UBR3: variants seen among roughly 807,000 people sequenced by gnomAD.
UBR3 encodes E3 ubiquitin-protein ligase UBR3.
A neutral mutation model predicts 243.2 loss-of-function variants in UBR3; 85 were observed. That is an observed-to-expected ratio of 0.35 (90% CI 0.29 to 0.42). The LOEUF is 0.42. Among genes scored for constraint, UBR3 ranks in the 10% least tolerant of loss-of-function variants. The probability of loss-of-function intolerance (pLI) is 1.00; values close to 1 mark genes in which losing one functional copy is unlikely to be tolerated. For synonymous variants in UBR3, 748 were observed against 799.8 expected, an observed-to-expected ratio of 0.94 and a Z score of 1.09; for missense variants, 1,686 against 2,300.8, an observed-to-expected ratio of 0.73 and a Z score of 5.47.
chr2:170,041,511 CTCA>C (rs1373193830), intron 32 of UBR3, among the ~76,000 whole-genome samples: 1 of 152,012 alleles, frequency 6.6e-6, no homozygotes, highest in Non-Finnish European at 1.5e-5. Flanking sequence ...TAAAAATAGT[CTCA>C]TCATTTTAAG....
At chr2:170,013,240 G>A (rs2090137391) in intron 29 of UBR3, among the ~76,000 whole-genome samples, 1 of 152,070 alleles carries the variant, frequency 6.6e-6, no homozygotes, top group African/African-American at 2.4e-5. Flanking sequence ...TCTTTAGCAT[G>A]TCTCAAAGGA....
chr2:169,872,514 T>C, intron 2 of UBR3, 139 bp downstream of exon 2: 1 of 619,504 alleles, frequency 1.6e-6, no homozygotes, highest in Non-Finnish European at 2.6e-6. Context: ...AAATACGGAT[T>C]GAATAGAAAC....
At chr2:169,893,977 C>T (rs909067121) in intron 6 of UBR3, among the ~76,000 whole-genome samples, 3 of 151,818 alleles carry the variant, frequency 2.0e-5, no homozygotes, top group Non-Finnish European at 4.4e-5. Context: ...TGTATTTTAC[C>T]TCATTTCTTG....
chr2:169,943,338 C>T (rs932693877), intron 20 of UBR3, among the ~76,000 whole-genome samples: 6 of 152,182 alleles, frequency 3.9e-5, no homozygotes, highest in African/African-American at 1.2e-4. Context: ...CGCGGTGGCT[C>T]ACGCCTGTAA....
chr2:169,936,830 G>A (rs2086355920), intron 19 of UBR3, among the ~76,000 whole-genome samples: 1 of 152,184 alleles, frequency 6.6e-6, no homozygotes, highest in South Asian at 2.1e-4. Context: ...CTTCATCCAT[G>A]TCCGTACAAA....
intron 13 of UBR3, 78 bp downstream of exon 13, chr2:169,924,251 A>G (rs1231787029): frequency 1.2e-5 from 13 of 1,088,978 alleles, no homozygotes; most frequent in African/African-American, 1.6e-5. Context: ...TATGCCTTTC[A>G]TTGTTATTAT....
intron 19 of UBR3, among the ~76,000 whole-genome samples, chr2:169,937,425 A>G (rs2086382830): frequency 6.6e-6 from 1 of 152,218 alleles, no homozygotes; most frequent in South Asian, 2.1e-4. Context: ...TCAGATGAGT[A>G]GATTGCAAAA....
intron 26 of UBR3, among the ~76,000 whole-genome samples, chr2:169,998,241 A>G (rs2089568292): frequency 6.6e-6 from 1 of 152,254 alleles, no homozygotes; most frequent in Non-Finnish European, 1.5e-5. Flanking sequence ...ACCTAAGAGC[A>G]TAATAATTTT....
At chr2:170,020,627 T>A (rs60843023) in intron 30 of UBR3, among the ~76,000 whole-genome samples, 6,124 of 152,258 alleles carry the variant, frequency 0.04, 180 homozygotes, top group East Asian at 0.1. Context: ...TTAATTAACA[T>A]CATTGACATT....
intron 36 of UBR3, chr2:170,078,024 T>C: frequency 1.5e-6 from 1 of 685,286 alleles, no homozygotes; most frequent in Non-Finnish European, 2.7e-6. Context: ...GTTGTCCCTC[T>C]CTGTCCAGCA....
chr2:169,958,674 C>CAGACTTTTATTAT (rs2087425133), intron 24 of UBR3, 148 bp downstream of exon 24: 1 of 633,014 alleles, frequency 1.6e-6, no homozygotes, highest in African/African-American at 1.9e-5. Context: ...GATGGAAGAT[C>CAGACTTTTATTAT]AGACTTTTAT....
intron 27 of UBR3, among the ~76,000 whole-genome samples, chr2:170,002,810 A>G (rs1347276644): frequency 6.6e-6 from 1 of 152,034 alleles, no homozygotes; most frequent in Non-Finnish European, 1.5e-5. Flanking sequence ...TTATTTTCCT[A>G]TAGCTGAAGA....
chr2:169,875,527 T>C (rs2083575596), intron 2 of UBR3, among the ~76,000 whole-genome samples: 1 of 152,164 alleles, frequency 6.6e-6, no homozygotes, highest in Non-Finnish European at 1.5e-5. Flanking sequence ...TTACACAAAT[T>C]AAGTGCTTCA....
chr2:170,009,037 A>G, intron 29 of UBR3, 97 bp downstream of exon 29: 3 of 812,498 alleles, frequency 3.7e-6, no homozygotes, highest in Non-Finnish European at 5.2e-6. Context: ...AAGGATGCAT[A>G]TTTTTAATAT....
At chr2:169,965,693 C>T (rs1384434042) in intron 24 of UBR3, among the ~76,000 whole-genome samples, 1 of 152,122 alleles carries the variant, frequency 6.6e-6, no homozygotes, top group Non-Finnish European at 1.5e-5. Context: ...ACATCCTGGA[C>T]AGGACCAAAT....
chr2:169,977,562 C>G (rs1445777335), intron 24 of UBR3, among the ~76,000 whole-genome samples: 1 of 152,126 alleles, frequency 6.6e-6, no homozygotes, highest in African/African-American at 2.4e-5. Context: ...GTCAAATGTC[C>G]AAGGGCAGGA....
At chr2:169,925,440 C>G (rs2085872529) in intron 13 of UBR3, among the ~76,000 whole-genome samples, 179 bp from the exon 14 acceptor site, 1 of 152,046 alleles carries the variant, frequency 6.6e-6, no homozygotes, top group Non-Finnish European at 1.5e-5. Flanking sequence ...TATGTAAAAA[C>G]ATAATTATTG....
chr2:169,969,760 A>G (rs1485471210), intron 24 of UBR3, among the ~76,000 whole-genome samples: 1 of 145,532 alleles, frequency 6.9e-6, no homozygotes, highest in Non-Finnish European at 1.5e-5. Context: ...TGTGTTAGCC[A>G]GGATGGTCTC....
Position 170,077,018 on chromosome 2 carries a change from A to G in UBR3, c.5200-2796A>G, listed in dbSNP as rs114827838. ...AACCGTACTAGAGGTTAGACAGTAC[A>G]TAGCTTGTAAATCCGCAGAAGAGTC... On this transcript the variant is annotated intron_variant, in intron 36 of 38. Transcript: ENST00000272793. 5.6e-3 allele frequency among the ~76,000 whole-genome samples: 854 copies of G among 152,370 alleles called. 9 individuals are homozygous for G. The highest frequency in any genetic ancestry group is 0.019 in the African/African-American group (786 of 41,590).
Sources: gnomAD v4.1 joint callset for allele counts (sites outside exome capture counted in the v4.1 genomes callset) on GRCh38, gnomAD v4.1.1 for gene constraint, MANE v1.5 for transcripts, NCBI Gene and HGNC (gene_info 2026-07-23, HGNC 2026-07-21) for gene names.